The following PNPLA7 variants were observed in gnomAD, a reference collection of about 807,000 sequenced individuals.
PNPLA7 encodes patatin like domain 7, lysophospholipase, also known as patatin-like phospholipase domain-containing protein 7.
A neutral mutation model predicts 161.7 loss-of-function variants in PNPLA7; 153 were observed. The observed-to-expected ratio is 0.95, with a 90% confidence interval of 0.83 to 1.08. The LOEUF (loss-of-function observed/expected upper bound fraction) is 1.08, where lower values mean the gene tolerates loss of function less well. Ranked by LOEUF, PNPLA7 falls within the 50% of genes least tolerant of loss-of-function variation. The probability of loss-of-function intolerance (pLI) is 0.00; values close to 1 mark genes in which losing one functional copy is unlikely to be tolerated. For synonymous variants in PNPLA7, 809 were observed against 782.1 expected (o/e 1.03, Z -0.57); for missense variants, 1,739 against 1,856.6 (o/e 0.94, Z 1.16).
chr9:137,478,849 A>T, intron 24 of PNPLA7: 1 of 684,174 alleles, frequency 1.5e-6, no homozygotes, highest in Non-Finnish European at 2.2e-6. Flanking sequence ...GCCTGCCCCC[A>T]CTGCACCGGC....
At chr9:137,471,917 T>G (rs563935907) in intron 25 of PNPLA7, among the ~76,000 whole-genome samples, 2 of 152,042 alleles carry the variant, frequency 1.3e-5, no homozygotes, top group East Asian at 3.9e-4. Context: ...CCAAAACAAT[T>G]AAAGAAAAAT....
chr9:137,520,725 C>T lies in PNPLA7; in HGVS notation c.958-682G>A, dbSNP rs1308922272. Reference sequence around the variant, plus strand: ...GCTAGGTGGGGACCGTCCCACGTCCCGGCCAAGTGCCTCCCAGGGTCACAC... The same window carrying T: ...GCTAGGTGGGGACCGTCCCACGTCCTGGCCAAGTGCCTCCCAGGGTCACAC... On this transcript the variant is annotated intron_variant, in intron 10 of 34. Transcript: ENST00000406427. The surrounding 1 kb of genome is among the most constrained non-coding windows in gnomAD (Gnocchi z 5.2). Among the ~76,000 whole-genome samples the T allele has an allele frequency of 5.3e-5, 8 of 152,328 alleles. No homozygotes were observed. The highest frequency in any genetic ancestry group is 2.1e-4 in the South Asian group (1 of 4,830).
chr9:137,502,593 C>T (rs542830921), intron 14 of PNPLA7, among the ~76,000 whole-genome samples: 58 of 132,296 alleles, frequency 4.4e-4, no homozygotes, highest in African/African-American at 1.3e-3. Flanking sequence ...GTTGTCAGCC[C>T]GAGGAGGAGC....
At chr9:137,484,870 C>G in intron 20 of PNPLA7, 134 bp from the exon 21 acceptor site, 1 of 1,112,324 alleles carries the variant, frequency 9.0e-7, no homozygotes, top group Non-Finnish European at 1.2e-6. Context: ...CCCGCCTCCC[C>G]AGTCCTGAGG....
Position 137,542,912 on chromosome 9 carries a change from T to C in PNPLA7, c.507-111A>G, listed in dbSNP as rs1280563019. On this transcript the variant is annotated intron_variant, in intron 6 of 34. Coordinates refer to ENST00000406427, the MANE Select transcript of PNPLA7 (RefSeq NM_001098537.3). ...ACCCCACTGGCGCCAGGCTTTGTGC[T>C]GTGGGTCCACACGGCTGACCAACAA... is the stretch of plus-strand genomic sequence containing the variant. The C allele has an allele frequency of 5.9e-6, 7 of 1,180,086 alleles. No individual in the cohort carries two copies. The Admixed American group carries it at 6.8e-5, about 11-fold the overall frequency. 73.1% of individuals were successfully genotyped at this position (1,180,086 alleles called of 1,614,324 possible).
At position 137,547,232 on chromosome 9, in the gene PNPLA7, A is replaced by T; in HGVS notation, c.193+77T>A. The T allele has an allele frequency of 7.1e-7, 1 of 1,417,434 alleles. No individual in the cohort carries two copies. Among genetic ancestry groups the T allele is most frequent in the Non-Finnish European group, 1.0e-6 (1 of 1,004,932 alleles). 87.8% of individuals were successfully genotyped at this position (1,417,434 alleles called of 1,614,324 possible). A position where few individuals can be genotyped will look rare whatever the true frequency, so the allele number is the denominator to read the frequency against. On this transcript the variant is annotated intron_variant, in intron 3 of 34. Transcript: ENST00000406427. The surrounding 1 kb of genome is among the most constrained non-coding windows in gnomAD (Gnocchi z 4.6). ...CACCATGCGCTTGAGGGCCCCTCCC[A>T]GGGGCTCAAAACACATCCCAAGACA...
At chr9:137,464,598 G>T in intron 26 of PNPLA7, 142 bp from the exon 27 acceptor site, 1 of 771,182 alleles carries the variant, frequency 1.3e-6, no homozygotes, top group Non-Finnish European at 2.2e-6. Flanking sequence ...CCTGAGGCTT[G>T]GCGCCCTGGC....
chr9:137,464,247 G>GT, intron 27 of PNPLA7, 52 bp from the exon 28 acceptor site: 1 of 1,611,026 alleles, frequency 6.2e-7, no homozygotes. Context: ...CTCCTGTCCT[G>GT]TGTCTGGGGA....
At chr9:137,477,642 G>A (rs752275082) in intron 25 of PNPLA7, among the ~76,000 whole-genome samples, 3 of 152,112 alleles carry the variant, frequency 2.0e-5, no homozygotes, top group Non-Finnish European at 4.4e-5. Flanking sequence ...ACTGGGTTTC[G>A]CCACGTTGGC....
rs777980909 is a variant in PNPLA7, at chr9:137,493,100, A to T, written c.2128-18T>A. 1.9e-6 allele frequency: 3 copies of T among 1,613,416 alleles called. No homozygotes were observed. Among genetic ancestry groups the T allele is most frequent in the Non-Finnish European group, 1.7e-6 (2 of 1,179,612 alleles). The stretch of plus-strand genomic sequence containing the variant: ...GTCACCACCTGCGGGCAGACACAGG[A>T]GCCAAGAGCCACACGTTTTAAACTG... On this transcript the variant is annotated intron_variant, in intron 19 of 34. Transcript: ENST00000406427.
rs774360690 is a variant in PNPLA7 at position 137,467,480 on chromosome 9, C to T, written c.2883-7G>A. On this transcript the variant is annotated splice_polypyrimidine_tract_variant and splice_region_variant and intron_variant, in intron 25 of 34. Coordinates refer to ENST00000406427, the MANE Select transcript of PNPLA7 (RefSeq NM_001098537.3). This position sits in a 1 kb window ranked among gnomAD's most constrained non-coding sequence, Gnocchi z 5.1. ...GCCCACCTGGGCACAGCCTCTACACCAGCCAGGGACACAGAGCAAGGAGTG... is the reference window on the plus strand; with the variant it reads ...GCCCACCTGGGCACAGCCTCTACACTAGCCAGGGACACAGAGCAAGGAGTG... 2 of 1,612,298 alleles carry T rather than the reference C, an allele frequency of 1.2e-6. No individual in the cohort carries two copies. The highest frequency in any genetic ancestry group is 1.1e-5 in the South Asian group (1 of 91,046).
In PNPLA7 at chr9:137,486,660, G is replaced by A. The variant is rs541628754; in HGVS notation, c.2198-1924C>T. ...CCCGACCCACCAAAGCTCAGTCCCC[G>A]CCCTCAGTCCAACTCAGCACCGGGA... On this transcript the variant is annotated intron_variant, in intron 20 of 34. Transcript: ENST00000406427. This position sits in a 1 kb window ranked among gnomAD's most constrained non-coding sequence, Gnocchi z 6.0. 4.6e-5 allele frequency among the ~76,000 whole-genome samples: 7 copies of A among 151,970 alleles called. No individual in the cohort carries two copies. The South Asian group carries it at 8.3e-4, about 18-fold the overall frequency.
In PNPLA7 at chr9:137,486,958, C is replaced by A. The variant is rs1212553638; in HGVS notation, c.2198-2222G>T. Among the ~76,000 whole-genome samples, 2 of 151,964 alleles carry A rather than the reference C, an allele frequency of 1.3e-5. No individual in the cohort carries two copies. The highest frequency in any genetic ancestry group is 6.6e-5 in the Admixed American group (1 of 15,256). On this transcript the variant is annotated intron_variant, in intron 20 of 34. Transcript: ENST00000406427. This position sits in a 1 kb window ranked among gnomAD's most constrained non-coding sequence, Gnocchi z 6.0. ...ACCTCCTCAGGGAGCGCTGCCCCACCACCTGCGTGCCCCTGCCCCTCCCCC... is the reference window on the plus strand; with the variant it reads ...ACCTCCTCAGGGAGCGCTGCCCCACAACCTGCGTGCCCCTGCCCCTCCCCC...
At position 137,462,839 on chromosome 9, in the gene PNPLA7, G is replaced by A. The variant is rs377751983; in HGVS notation, c.3344-6C>T. On this transcript the variant is annotated splice_region_variant and splice_polypyrimidine_tract_variant and intron_variant, in intron 29 of 34. Transcript: ENST00000406427. ...CATGGACCGGGCCACATCCGCTAGG[G>A]AGAAGCCAGCCCTGGTTACCCCCTG... 2 of 1,613,446 alleles carry A rather than the reference G, an allele frequency of 1.2e-6. No homozygotes were observed. The highest frequency in any genetic ancestry group is 2.7e-5 in the African/African-American group (2 of 74,916).
At chr9:137,481,828 T>C (rs868828660) in intron 21 of PNPLA7, among the ~76,000 whole-genome samples, 2 of 151,952 alleles carry the variant, frequency 1.3e-5, no homozygotes, top group African/African-American at 2.4e-5. Flanking sequence ...CCCAGCTACT[T>C]GGGAGGCTGA....
At chr9:137,474,855 A>C (rs28680371) in intron 25 of PNPLA7, among the ~76,000 whole-genome samples, 1 of 145,992 alleles carries the variant, frequency 6.8e-6, no homozygotes, top group Non-Finnish European at 1.5e-5. Flanking sequence ...TACTAAAAAT[A>C]CAAAAAAAAA....
chr9:137,503,640 AGAAGGG>A (rs1833649554), intron 14 of PNPLA7, among the ~76,000 whole-genome samples: 2 of 132,046 alleles, frequency 1.5e-5, no homozygotes, highest in Admixed American at 8.0e-5. Flanking sequence ...AGGGAGAAGG[AGAAGGG>A]GGAGGAAGAA....
intron 9 of PNPLA7, among the ~76,000 whole-genome samples, chr9:137,522,138 C>CTGAG (rs1835029954): frequency 6.6e-6 from 1 of 152,108 alleles, no homozygotes; most frequent in Non-Finnish European, 1.5e-5. Flanking sequence ...GCAGTGGCAC[C>CTGAG]ATCTCGGCTC....
chr9:137,502,685 A>AGGGGGACGCGGGGGACGGGGGGGACGC (rs1554767734), intron 14 of PNPLA7, among the ~76,000 whole-genome samples: 1 of 440 alleles, frequency 2.3e-3, no homozygotes. Context: ...TCGGGAGATG[A>AGGGGGACGCGGGGGACGGGGGGGACGC]GGGGGACGGG....
Sources: gnomAD v4.1 joint callset for allele counts (sites outside exome capture counted in the v4.1 genomes callset) on GRCh38, gnomAD v4.1.1 for gene constraint, Gnocchi (gnomAD v3.1) non-coding constraint, MANE v1.5 for transcripts, NCBI Gene and HGNC (gene_info 2026-07-23, HGNC 2026-07-21) for gene names.